The following MYO5A variants were observed in gnomAD, a reference collection of about 807,000 sequenced individuals.
MYO5A encodes the protein unconventional myosin-Va.
In MYO5A, 98 loss-of-function variants were observed where a neutral mutation model predicts 249.7. The observed-to-expected ratio is 0.39, with a 90% CI of 0.33 to 0.46. MYO5A has a LOEUF of 0.46. Among genes scored for constraint, MYO5A ranks in the 20% least tolerant of loss-of-function variants. MYO5A has a pLI of 0.98. For missense variants in MYO5A, 1,696 were observed against 2,308.8 expected (o/e 0.73, Z 5.44); for synonymous variants, 778 against 810.6 (o/e 0.96, Z 0.68).
chr15:52,321,916 T>C (rs1209909938), intron 37 of MYO5A, among the ~76,000 whole-genome samples: 1 of 151,820 alleles, frequency 6.6e-6, no homozygotes. Flanking sequence ...TCTTAAAAAC[T>C]ACACCCAAAG....
chr15:52,505,348 T>C, intron 1 of MYO5A: 2 of 778,446 alleles, frequency 2.6e-6, no homozygotes, highest in South Asian at 1.3e-5. Flanking sequence ...TCATGCTCTA[T>C]GTTGGTATAA....
rs141046424 is a variant in MYO5A, at chr15:52,325,279, G to A, written c.4711-1835C>T. Among the ~76,000 whole-genome samples, 895 of 152,224 alleles carry A rather than the reference G, an allele frequency of 5.9e-3. 10 individuals are homozygous for A. Among genetic ancestry groups the A allele is most frequent in the African/African-American group, 0.021 (856 of 41,504 alleles). ...AGAGATCCTCAGAATAGTCCCAGCT[G>A]GATGTAACGGCACCTATACTGAAGA... On this transcript the variant is annotated intron_variant, in intron 36 of 41. Coordinates refer to ENST00000399233, the MANE Select transcript of MYO5A (RefSeq NM_001382347.1).
intron 29 of MYO5A, 135 bp from the exon 30 acceptor site, chr15:52,346,596 C>T: frequency 1.4e-6 from 1 of 708,022 alleles, no homozygotes; most frequent in Non-Finnish European, 2.6e-6. Flanking sequence ...AGCATCAGCC[C>T]CAACCTCATG....
Position 52,319,163 on chromosome 15 carries a change from T to C in MYO5A, c.5131A>G (p.Lys1711Glu). Residue 1711 changes from lysine to glutamate, a missense_variant, in exon 39 of 42, where the codon AAG becomes GAG. Physicochemically the swap from Lys to Glu is moderately conservative, Grantham distance 56. Transcript: ENST00000399233. ...CQHGMDPELI[K>E]QVVKQMFYII... Reference sequence around the variant, plus strand: ...TAGAACATCTGCTTGACCACCTGCTTGATCAGTTCAGGGTCCATGCCATGC... The same window carrying C: ...TAGAACATCTGCTTGACCACCTGCTCGATCAGTTCAGGGTCCATGCCATGC... The C allele has an allele frequency of 1.2e-6, 2 of 1,614,144 alleles. No homozygotes were observed. The highest frequency in any genetic ancestry group is 2.2e-5 in the East Asian group (1 of 44,884).
intron 27 of MYO5A, among the ~76,000 whole-genome samples, chr15:52,352,826 T>C (rs561734956): frequency 3.4e-4 from 52 of 152,272 alleles, no homozygotes; most frequent in Non-Finnish European, 5.4e-4. Context: ...TTAAAGTCCT[T>C]CTTTTTTCTA....
In MYO5A at chr15:52,330,596, C is replaced by A. The variant is rs2038845018; in HGVS notation, c.4409-97G>T. On this transcript the variant is annotated intron_variant, in intron 34 of 41. Coordinates refer to ENST00000399233, the MANE Select transcript of MYO5A (RefSeq NM_001382347.1). ...TAATTTTGAATGCATTCTACAACAA[C>A]CGAAACTTGCCATATTTGCCACTTA... 2.4e-5 allele frequency: 33 copies of A among 1,401,796 alleles called. 1 individual carries two copies. In the South Asian group the frequency reaches 3.6e-4, roughly 15 times the overall value. The allele number at this position is 1,401,796 out of a possible 1,614,324, so 86.8% of individuals were successfully genotyped here. A position where few individuals can be genotyped will look rare whatever the true frequency, so the allele number is the denominator to read the frequency against.
intron 1 of MYO5A, among the ~76,000 whole-genome samples, chr15:52,525,169 T>C (rs1309157861): frequency 6.6e-6 from 1 of 152,184 alleles, no homozygotes; most frequent in Non-Finnish European, 1.5e-5. Context: ...TATCATAGTT[T>C]CCTTTAATTC....
intron 6 of MYO5A, among the ~76,000 whole-genome samples, chr15:52,409,091 A>C (rs552056727): frequency 1.5e-3 from 224 of 152,236 alleles, no homozygotes; most frequent in African/African-American, 5.2e-3. Flanking sequence ...AACATCCTTG[A>C]CATTCTATAT....
At chr15:52,410,982 C>G (rs2043223583) in intron 5 of MYO5A, among the ~76,000 whole-genome samples, 1 of 152,146 alleles carries the variant, frequency 6.6e-6, no homozygotes, top group African/African-American at 2.4e-5. Context: ...TTTTATTTGT[C>G]TTGTTATTCT....
At chr15:52,448,314 T>C (rs1034576917) in intron 1 of MYO5A, among the ~76,000 whole-genome samples, 2 of 152,244 alleles carry the variant, frequency 1.3e-5, no homozygotes, top group Non-Finnish European at 2.9e-5. Context: ...CTGCTGGGTT[T>C]TGTACTTGCA....
intron 20 of MYO5A, among the ~76,000 whole-genome samples, chr15:52,373,814 T>C (rs1329759967): frequency 2.0e-5 from 3 of 152,142 alleles, no homozygotes; most frequent in South Asian, 2.1e-4. Context: ...CTCACGCTTA[T>C]ATAGAAAGAG....
chr15:52,387,955 G>T, intron 13 of MYO5A, 43 bp from the exon 14 acceptor site: 1 of 1,321,538 alleles, frequency 7.6e-7, no homozygotes, highest in South Asian at 1.2e-5. Context: ...TAAAACTTTT[G>T]AATAGATATT....
chr15:52,507,374 A>G (rs1413972148), intron 1 of MYO5A, among the ~76,000 whole-genome samples: 1 of 152,250 alleles, frequency 6.6e-6, no homozygotes, highest in Non-Finnish European at 1.5e-5. Context: ...ACTGGAATGA[A>G]AGTTACAGCT....
chr15:52,348,322 G>C (rs1023859191), intron 29 of MYO5A, among the ~76,000 whole-genome samples: 2 of 152,082 alleles, frequency 1.3e-5, no homozygotes, highest in African/African-American at 4.8e-5. Flanking sequence ...ATATGGTAGA[G>C]AAATTTGACT....
chr15:52,374,717 C>G (rs1342315210), intron 20 of MYO5A, among the ~76,000 whole-genome samples: 3 of 152,194 alleles, frequency 2.0e-5, no homozygotes, highest in Non-Finnish European at 2.9e-5. Context: ...ATGGATTCTC[C>G]CCTGGAGCTT....
intron 25 of MYO5A, among the ~76,000 whole-genome samples, chr15:52,355,510 C>A (rs2040175332): frequency 6.6e-6 from 1 of 152,258 alleles, no homozygotes; most frequent in Non-Finnish European, 1.5e-5. Context: ...CCAGCCTTGG[C>A]TCTGCAGATA....
At position 52,336,524 on chromosome 15, in the gene MYO5A, C is replaced by T; in HGVS notation, c.4347G>A (p.Lys1449=). The T allele has an allele frequency of 1.2e-6, 2 of 1,608,278 alleles. No homozygotes were observed. The highest frequency in any genetic ancestry group is 1.7e-6 in the Non-Finnish European group (2 of 1,176,532). Residue 1449 remains lysine, a synonymous_variant, in exon 34 of 42, where the codon AAG becomes AAA. Coordinates refer to ENST00000399233, the MANE Select transcript of MYO5A (RefSeq NM_001382347.1). The part of the protein sequence containing the change: ...DLMEQLEKQD[K]TVRKLKKQLK... ...GTTGTTTTTTCAGTTTACGGACCGT[C>T]TTATCCTGTTTTTCAAGTTGTTCCA...
intron 1 of MYO5A, among the ~76,000 whole-genome samples, chr15:52,500,422 C>A (rs1485087942): frequency 2.0e-5 from 3 of 150,598 alleles, no homozygotes; most frequent in Admixed American, 1.3e-4. Context: ...TCTCAGCTCA[C>A]TGCAACCTCT....
At chr15:52,383,855 G>A (rs1268263887) in intron 15 of MYO5A, among the ~76,000 whole-genome samples, 9 of 152,200 alleles carry the variant, frequency 5.9e-5, no homozygotes, top group Non-Finnish European at 1.2e-4. Flanking sequence ...GGAGCTGACC[G>A]AGGCACTGTA....
Sources: gnomAD v4.1 joint callset for allele counts (sites outside exome capture counted in the v4.1 genomes callset) on GRCh38, gnomAD v4.1.1 for gene constraint, MANE v1.5 for transcripts, NCBI Gene and HGNC (gene_info 2026-07-23, HGNC 2026-07-21) for gene names.